The following SMARCA2 variants were observed in gnomAD, a reference collection of about 807,000 sequenced individuals.
SMARCA2 encodes SWI/SNF-related matrix-associated actin-dependent regulator of chromatin subfamily A member 2.
SMARCA2 carries 61 observed loss-of-function variants against 199.8 expected under a neutral mutation model. The ratio of observed to expected loss-of-function variants is 0.31; its 90% CI spans 0.25 to 0.38. SMARCA2 has a LOEUF of 0.38. Ranked by LOEUF, SMARCA2 falls within the 10% of genes least tolerant of loss-of-function variation. The pLI, the probability that SMARCA2 is intolerant of heterozygous loss-of-function variation, is 1.00. For synonymous variants in SMARCA2, 935 were observed against 732.0 expected (o/e 1.28, Z -4.48); for missense variants, 1,344 against 2,012.2 (o/e 0.67, Z 6.35).
At position 2,170,314 on chromosome 9, in the gene SMARCA2, G is replaced by A. The variant is rs992169985; in HGVS notation, c.4200-105G>A. On this transcript the variant is annotated intron_variant, in intron 28 of 33. Coordinates refer to ENST00000349721, the MANE Select transcript of SMARCA2 (RefSeq NM_003070.5). The surrounding 1 kb of genome is among the most constrained non-coding windows in gnomAD (Gnocchi z 4.7). ...AATCTTCCTAACAAGGCAGGTTGGTGAGGAGACTGAGGCTTGGCCAGGTCA... is the reference window on the plus strand; with the variant it reads ...AATCTTCCTAACAAGGCAGGTTGGTAAGGAGACTGAGGCTTGGCCAGGTCA... 1.1e-5 allele frequency: 15 copies of A among 1,423,004 alleles called. No homozygotes were observed. Among genetic ancestry groups the A allele is most frequent in the Non-Finnish European group, 1.4e-5 (14 of 1,030,988 alleles). 88.1% of individuals were successfully genotyped at this position (1,423,004 alleles called of 1,614,324 possible).
In SMARCA2 at chr9:2,170,904, T is replaced by C. The variant is rs1008954117; in HGVS notation, c.4253+432T>C. On this transcript the variant is annotated intron_variant, in intron 29 of 33. Coordinates refer to ENST00000349721, the MANE Select transcript of SMARCA2 (RefSeq NM_003070.5). This position sits in a 1 kb window ranked among gnomAD's most constrained non-coding sequence, Gnocchi z 4.7. ...ATCTCCTGCGAGACATGAAGAAGCG[T>C]GCATGTTCACGCTGTGTCTGCATTC... is the stretch of plus-strand genomic sequence containing the variant. 1.3e-5 allele frequency among the ~76,000 whole-genome samples: 2 copies of C among 152,230 alleles called. No homozygotes were observed. The highest frequency in any genetic ancestry group is 4.8e-5 in the African/African-American group (2 of 41,452).
At chr9:2,023,724 C>T (rs113669195) in intron 1 of SMARCA2, among the ~76,000 whole-genome samples, 3 of 152,202 alleles carry the variant, frequency 2.0e-5, no homozygotes, top group Non-Finnish European at 2.9e-5. Context: ...TTACCCACCC[C>T]GCACTGCTTC....
intron 21 of SMARCA2, among the ~76,000 whole-genome samples, chr9:2,100,481 C>A (rs1012188087): frequency 1.3e-5 from 2 of 152,076 alleles, no homozygotes; most frequent in African/African-American, 4.8e-5. Context: ...GCAAGCAGGT[C>A]ACTTGAGGTA....
At chr9:2,107,514 T>A (rs913846110) in intron 23 of SMARCA2, among the ~76,000 whole-genome samples, 4 of 152,062 alleles carry the variant, frequency 2.6e-5, no homozygotes, top group Non-Finnish European at 1.5e-5. Flanking sequence ...GATGGGGTTT[T>A]ACCATGTTGG....
At chr9:2,111,124 G>A (rs1279565980) in intron 24 of SMARCA2, among the ~76,000 whole-genome samples, 1 of 151,376 alleles carries the variant, frequency 6.6e-6, no homozygotes, top group Non-Finnish European at 1.5e-5. Context: ...GCATCTGCCT[G>A]TAGGATATTG....
At chr9:2,190,363 G>C (rs1232102041) in intron 32 of SMARCA2, among the ~76,000 whole-genome samples, 1 of 152,158 alleles carries the variant, frequency 6.6e-6, no homozygotes, top group East Asian at 1.9e-4. Context: ...GCAAACTTCA[G>C]CCCTCATCAT....
At chr9:2,068,522 G>A (rs1350052264) in intron 9 of SMARCA2, among the ~76,000 whole-genome samples, 1 of 152,134 alleles carries the variant, frequency 6.6e-6, no homozygotes, top group Non-Finnish European at 1.5e-5. Context: ...AACTTTAAGT[G>A]TTTTCGTAAA....
At chr9:2,035,149 C>T (rs2130219377) in intron 3 of SMARCA2, among the ~76,000 whole-genome samples, 1 of 152,044 alleles carries the variant, frequency 6.6e-6, no homozygotes, top group African/African-American at 2.4e-5. Context: ...TCAAGCGATT[C>T]TCCTGCCTCA....
In SMARCA2 at chr9:2,169,359, G is replaced by A. The variant is rs954206614; in HGVS notation, c.4200-1060G>A. Among the ~76,000 whole-genome samples the A allele has an allele frequency of 6.6e-6, 1 of 152,188 alleles. No individual in the cohort carries two copies. The highest frequency in any genetic ancestry group is 2.4e-5 in the African/African-American group (1 of 41,432). On this transcript the variant is annotated intron_variant, in intron 28 of 33. Transcript: ENST00000349721. This position sits in a 1 kb window ranked among gnomAD's most constrained non-coding sequence, Gnocchi z 6.5. ...CCCGTTGCCTACCCGATGATGACCAGACTTCTTAGCGTAGGAGAATTGTTA... is the reference window on the plus strand; with the variant it reads ...CCCGTTGCCTACCCGATGATGACCAAACTTCTTAGCGTAGGAGAATTGTTA...
Position 2,164,095 on chromosome 9 carries a change from C to T in SMARCA2, c.4199+2192C>T, listed in dbSNP as rs577304180. 4.6e-4 allele frequency among the ~76,000 whole-genome samples: 70 copies of T among 152,238 alleles called. 1 individual carries two copies. Among genetic ancestry groups the T allele is most frequent in the East Asian group, 4.2e-3 (22 of 5,182 alleles). On this transcript the variant is annotated intron_variant, in intron 28 of 33. Transcript: ENST00000349721. ...TCGCGCTCTAGGTTGTCACAATCCC[C>T]GTCACTCTGTATCATCTCTTCAGTA...
intron 3 of SMARCA2, among the ~76,000 whole-genome samples, chr9:2,035,478 A>C (rs1191716728): frequency 2.0e-5 from 3 of 152,182 alleles, no homozygotes; most frequent in Non-Finnish European, 4.4e-5. Context: ...CTGAAAACTA[A>C]AACCACTTTA....
intron 20 of SMARCA2, 64 bp downstream of exon 20, chr9:2,096,828 G>A: frequency 3.1e-6 from 3 of 967,614 alleles, no homozygotes; most frequent in Admixed American, 3.4e-5. Context: ...CTGTGACATT[G>A]AATATTCACA....
rs116671549 is a variant in SMARCA2 at position 2,055,078 on chromosome 9, G to A, written c.1173+355G>A. Among the ~76,000 whole-genome samples, 167 of 152,324 alleles carry A rather than the reference G, an allele frequency of 1.1e-3. 1 individual carries two copies. The highest frequency in any genetic ancestry group is 3.8e-3 in the African/African-American group (157 of 41,576). ...AGGAAAAACCAGAAGGTAGTGGATTGGAGCTTCTTTGTAAGCACAGATGTA... is the reference window on the plus strand; with the variant it reads ...AGGAAAAACCAGAAGGTAGTGGATTAGAGCTTCTTTGTAAGCACAGATGTA... On this transcript the variant is annotated intron_variant, in intron 6 of 33. Coordinates refer to ENST00000349721, the MANE Select transcript of SMARCA2 (RefSeq NM_003070.5).
intron 27 of SMARCA2, among the ~76,000 whole-genome samples, chr9:2,128,219 T>G (rs1823783376): frequency 6.6e-6 from 1 of 152,212 alleles, no homozygotes; most frequent in Non-Finnish European, 1.5e-5. Flanking sequence ...TTGCTCCCCA[T>G]GGGTCTCCAC....
intron 27 of SMARCA2, among the ~76,000 whole-genome samples, chr9:2,140,311 A>G (rs983161664): frequency 1.3e-5 from 2 of 152,254 alleles, no homozygotes; most frequent in Admixed American, 6.5e-5. Flanking sequence ...TAAAATATCA[A>G]TACACTGATG....
At chr9:2,111,360 T>G (rs34556543) in intron 24 of SMARCA2, among the ~76,000 whole-genome samples, 25,945 of 151,458 alleles carry the variant, frequency 0.17, 2,705 homozygotes, top group African/African-American at 0.3. Flanking sequence ...ACAGTGGCAC[T>G]TATACCTGTA....
intron 13 of SMARCA2, among the ~76,000 whole-genome samples, 196 bp downstream of exon 13, chr9:2,076,525 C>CCCTT (rs1468136529): frequency 6.6e-6 from 1 of 151,166 alleles, no homozygotes; most frequent in Non-Finnish European, 1.5e-5. Flanking sequence ...ATCCCTCCCT[C>CCCTT]CCTTCCTTCC....
At chr9:2,055,647 A>C (rs1303636750) in intron 6 of SMARCA2, 1 of 152,234 alleles carries the variant, frequency 6.6e-6, no homozygotes, top group Non-Finnish European at 1.5e-5. Context: ...TATTTGCCTT[A>C]CCGGCTATAA....
rs60270292 is a variant in SMARCA2 at position 2,062,402 on chromosome 9, C to G, written c.1692+1416C>G. 9.0e-3 allele frequency among the ~76,000 whole-genome samples: 1,368 copies of G among 152,174 alleles called. 59 individuals carry two copies. The highest frequency in any genetic ancestry group is 0.067 in the Admixed American group (1,021 of 15,266). On this transcript the variant is annotated intron_variant, in intron 9 of 33. Coordinates refer to ENST00000349721, the MANE Select transcript of SMARCA2 (RefSeq NM_003070.5). The stretch of plus-strand genomic sequence containing the variant: ...ATTAAAATTTTTGTATTTTACATTT[C>G]TTTGTGATTAAAAGCTAATGACCCA...
Sources: allele counts gnomAD v4.1 joint callset (sites outside exome capture counted in the v4.1 genomes callset), GRCh38; gene constraint gnomAD v4.1.1; non-coding constraint Gnocchi (gnomAD v3.1); transcripts MANE v1.5; gene names NCBI Gene and HGNC (gene_info 2026-07-23, HGNC 2026-07-21).